Variants in NRCAM observed in about 807,000 individuals in gnomAD.
NRCAM encodes NgCAM-related cell adhesion molecule.
Under a neutral mutation model 156.5 loss-of-function variants are expected in NRCAM, and 83 were observed. The ratio of observed to expected loss-of-function variants is 0.53; its 90% CI spans 0.44 to 0.64. NRCAM has a LOEUF of 0.64. Ranked by LOEUF, NRCAM falls within the 30% of genes least tolerant of loss-of-function variation. The pLI is 0.00. For synonymous variants in NRCAM, 538 were observed against 563.9 expected (o/e 0.95, Z 0.65); for missense variants, 1,417 against 1,597.3 (o/e 0.89, Z 1.92).
intron 2 of NRCAM, among the ~76,000 whole-genome samples, chr7:108,349,271 CTCT>C (rs2099393460): frequency 6.6e-6 from 1 of 151,090 alleles, no homozygotes. Context: ...TAGTTATGAA[CTCT>C]TTTTTTTTTT....
chr7:108,443,891 G>C (rs143501356), intron 1 of NRCAM, among the ~76,000 whole-genome samples: 2,561 of 145,870 alleles, frequency 0.018, 28 homozygotes, highest in Non-Finnish European at 0.025. Flanking sequence ...TAGATAGATA[G>C]ATACATACAT....
At chr7:108,372,720 T>C (rs770957447) in intron 2 of NRCAM, among the ~76,000 whole-genome samples, 4 of 152,090 alleles carry the variant, frequency 2.6e-5, no homozygotes, top group Admixed American at 1.3e-4. Context: ...GGCATGGACG[T>C]GGAGAAACTG....
At chr7:108,243,620 T>C (rs2095690647) in intron 3 of NRCAM, among the ~76,000 whole-genome samples, 1 of 152,230 alleles carries the variant, frequency 6.6e-6, no homozygotes, top group Non-Finnish European at 1.5e-5. Flanking sequence ...TAGTGCAATA[T>C]AGCTTACAAT....
intron 3 of NRCAM, among the ~76,000 whole-genome samples, chr7:108,244,477 C>T (rs2095769685): frequency 1.3e-5 from 2 of 152,160 alleles, no homozygotes; most frequent in African/African-American, 4.8e-5. Flanking sequence ...CACAAATGCA[C>T]ATCTCTAGCC....
In NRCAM at chr7:108,148,783, G is replaced by A. The variant is rs1409880984; in HGVS notation, c.*1127C>T. The stretch of plus-strand genomic sequence containing the variant: ...ACTTAGTTTTAAAATTAATTTTCTA[G>A]CATGTTGACATCTTTCTTACTGAAT... On this transcript the variant is annotated 3_prime_UTR_variant, in exon 33 of 33. Transcript: ENST00000379028. 2 of 152,486 alleles carry A rather than the reference G, an allele frequency of 1.3e-5. No homozygotes were observed. The highest frequency in any genetic ancestry group is 1.9e-4 in the East Asian group (1 of 5,202). 9.4% of individuals were successfully genotyped at this position (152,486 alleles called of 1,614,324 possible). A position where few individuals can be genotyped will look rare whatever the true frequency, so the allele number is the denominator to read the frequency against.
chr7:108,232,284 T>C lies in NRCAM; in HGVS notation c.427+42A>G, dbSNP rs751135213. The C allele has an allele frequency of 4.9e-6, 7 of 1,425,014 alleles. No homozygotes were observed. In the African/African-American group the frequency reaches 7.1e-5, roughly 15 times the overall value. 88.3% of individuals were successfully genotyped at this position (1,425,014 alleles called of 1,614,324 possible). A position where few individuals can be genotyped will look rare whatever the true frequency, so the allele number is the denominator to read the frequency against. On this transcript the variant is annotated intron_variant, in intron 7 of 32. Coordinates refer to ENST00000379028, the MANE Select transcript of NRCAM (RefSeq NM_001037132.4). ...TCACAGAAGCTGAGTCTTGGAGCAA[T>C]ACTTTAAAAAGGGTCATGTTGGTTG...
chr7:108,333,169 T>C (rs746171335), intron 2 of NRCAM, among the ~76,000 whole-genome samples: 1 of 152,184 alleles, frequency 6.6e-6, no homozygotes, highest in Non-Finnish European at 1.5e-5. Context: ...TTCTGGAAGT[T>C]TCCATTGCTA....
intron 2 of NRCAM, among the ~76,000 whole-genome samples, chr7:108,315,816 C>T (rs1449607151): frequency 2.0e-5 from 3 of 152,208 alleles, no homozygotes; most frequent in Non-Finnish European, 2.9e-5. Flanking sequence ...GAAATTAACA[C>T]ATTGGTCCTT....
intron 1 of NRCAM, among the ~76,000 whole-genome samples, chr7:108,402,309 T>C (rs2099795009): frequency 6.6e-6 from 1 of 152,210 alleles, no homozygotes; most frequent in South Asian, 2.1e-4. Flanking sequence ...AGCATTGTTA[T>C]TTACTATAAT....
At chr7:108,419,047 A>C (rs77865219) in intron 1 of NRCAM, among the ~76,000 whole-genome samples, 3,950 of 152,230 alleles carry the variant, frequency 0.026, 78 homozygotes, top group Non-Finnish European at 0.043. Flanking sequence ...CACACACACA[A>C]AAAATCACCG....
chr7:108,337,082 G>A (rs2099202872), intron 2 of NRCAM, among the ~76,000 whole-genome samples: 1 of 152,070 alleles, frequency 6.6e-6, no homozygotes, highest in Admixed American at 6.6e-5. Flanking sequence ...TGGCCAACAT[G>A]GTGAAACCCC....
At chr7:108,209,343 A>T in intron 12 of NRCAM, 78 bp downstream of exon 12, 1 of 996,984 alleles carries the variant, frequency 1.0e-6, no homozygotes, top group South Asian at 1.9e-5. Context: ...CATTACTAAA[A>T]ATGTAATGAA....
intron 3 of NRCAM, among the ~76,000 whole-genome samples, chr7:108,252,985 C>T (rs367889397): frequency 1.2e-4 from 19 of 152,206 alleles, no homozygotes; most frequent in East Asian, 9.6e-4. Flanking sequence ...AACGTCTGAG[C>T]GGACTTTCAG....
Position 108,240,182 on chromosome 7 carries a change from T to C in NRCAM, c.-106-12A>G, listed in dbSNP as rs945275818. On this transcript the variant is annotated splice_polypyrimidine_tract_variant and intron_variant, in intron 3 of 32. Transcript: ENST00000379028. ...TTTCATGCGGGAAACTGAAAAAGGA[T>C]AGAGTAGGAATAATAATTATAATGT... The C allele has an allele frequency of 1.4e-5, 9 of 647,428 alleles. No homozygotes were observed. The African/African-American group carries it at 1.6e-4, about 12-fold the overall frequency. The allele number at this position is 647,428 out of a possible 1,614,324, so 40.1% of individuals were successfully genotyped here. A position where few individuals can be genotyped will look rare whatever the true frequency, so the allele number is the denominator to read the frequency against.
chr7:108,416,280 T>TTTATA (rs1358584174), intron 1 of NRCAM, among the ~76,000 whole-genome samples: 2 of 152,200 alleles, frequency 1.3e-5, no homozygotes, highest in African/African-American at 2.4e-5. Flanking sequence ...GCACATTTCT[T>TTTATA]TTATAGTATC....
At chr7:108,339,051 C>T (rs12056165) in intron 2 of NRCAM, among the ~76,000 whole-genome samples, 37,800 of 152,132 alleles carry the variant, frequency 0.25, 5,193 homozygotes, top group Non-Finnish European at 0.3. Context: ...AAAAAGGTAG[C>T]TTACTAACTC....
At chr7:108,189,112 T>A (rs533328448) in intron 20 of NRCAM, among the ~76,000 whole-genome samples, 1 of 152,274 alleles carries the variant, frequency 6.6e-6, no homozygotes, top group East Asian at 1.9e-4. Flanking sequence ...CGTGAGAAGC[T>A]CACATTGTTG....
rs148199213 is a variant in NRCAM, at chr7:108,336,446, C to T, written c.-173-23715G>A. Among the ~76,000 whole-genome samples the T allele has an allele frequency of 1.8e-3, 276 of 152,300 alleles. 3 individuals are homozygous for T. The East Asian group carries it at 0.023, about 13-fold the overall frequency. On this transcript the variant is annotated intron_variant, in intron 2 of 32. Transcript: ENST00000379028. ...TATCTGTAGGAATTAACAACTAAAA[C>T]GACTTGCCTTTCAAACAACATTATG...
At chr7:108,284,927 T>C (rs552841443) in intron 3 of NRCAM, among the ~76,000 whole-genome samples, 3 of 152,320 alleles carry the variant, frequency 2.0e-5, no homozygotes, top group Admixed American at 6.5e-5. Context: ...AGCAAATGAA[T>C]GACTAATCAG....
Sources: allele counts gnomAD v4.1 joint callset (sites outside exome capture counted in the v4.1 genomes callset), GRCh38; gene constraint gnomAD v4.1.1; transcripts MANE v1.5; gene names NCBI Gene and HGNC (gene_info 2026-07-23, HGNC 2026-07-21).